ANKRD28: variants seen among roughly 807,000 people sequenced by gnomAD.
ANKRD28 encodes the protein serine/threonine-protein phosphatase 6 regulatory ankyrin repeat subunit A.
A neutral mutation model predicts 126.5 loss-of-function variants in ANKRD28; 44 were observed. The ratio of observed to expected loss-of-function variants is 0.35; its 90% CI spans 0.27 to 0.45. The LOEUF (loss-of-function observed/expected upper bound fraction) is 0.45. ANKRD28 is among the 20% of genes least tolerant of loss of function. The pLI, the probability that ANKRD28 is intolerant of heterozygous loss-of-function variation, is 1.00. For missense variants in ANKRD28, 1,110 were observed against 1,316.6 expected, an observed-to-expected ratio of 0.84 and a Z score of 2.43; for synonymous variants, 442 against 468.5, an observed-to-expected ratio of 0.94 and a Z score of 0.73.
chr3:15,803,614 TA>T lies in ANKRD28; in HGVS notation c.28-8309del, dbSNP rs145887818. ...CCTGGCGACAGAGCGAGACTCCATTTAAAAAAAAAAAAAAAAAGAAATATAT... is the reference window on the plus strand; with the variant it reads ...CCTGGCGACAGAGCGAGACTCCATTTAAAAAAAAAAAAAAAAGAAATATAT... On this transcript the variant is annotated intron_variant, in intron 1 of 27. Transcript: ENST00000399451. Among the ~76,000 whole-genome samples, 645 of 125,176 alleles carry T rather than the reference TA, an allele frequency of 5.2e-3. 2 individuals are homozygous for T. Among genetic ancestry groups the T allele is most frequent in the Non-Finnish European group, 4.4e-3 (263 of 59,640 alleles). The allele number at this position is 125,176 out of a possible 152,430, so 82.1% of individuals were successfully genotyped here.
chr3:15,712,344 C>A lies in ANKRD28; in HGVS notation c.1191-122G>T, dbSNP rs147297830. ...CTAAGAGCCAAAATGTCTAACACTT[C>A]GGAGAGTAATTTGGTTAAAGTTTGA... On this transcript the variant is annotated intron_variant, in intron 10 of 27. Transcript: ENST00000683139. 1.3e-3 allele frequency: 980 copies of A among 765,986 alleles called. 1 individual carries two copies. Among genetic ancestry groups the A allele is most frequent in the Non-Finnish European group, 1.9e-3 (903 of 463,324 alleles). The allele number at this position is 765,986 out of a possible 1,614,324, so 47.4% of individuals were successfully genotyped here. A position where few individuals can be genotyped will look rare whatever the true frequency, so the allele number is the denominator to read the frequency against.
intron 1 of ANKRD28, among the ~76,000 whole-genome samples, chr3:15,832,013 AATTC>A (rs1399091829): frequency 1.3e-5 from 2 of 152,200 alleles, no homozygotes; most frequent in African/African-American, 4.8e-5. Flanking sequence ...ACTTAATCAG[AATTC>A]ATTATTTATC....
intron 2 of ANKRD28, among the ~76,000 whole-genome samples, chr3:15,784,727 CA>C (rs1237759483): frequency 6.6e-6 from 1 of 151,878 alleles, no homozygotes; most frequent in Non-Finnish European, 1.5e-5. Context: ...CAGACTCGAT[CA>C]AAAAACAATA....
rs886818290 is a variant in ANKRD28 at position 15,737,082 on chromosome 3, C to A, written c.503G>T (p.Arg168Leu). Residue 168 changes from arginine (R) to leucine (L), a missense_variant, in exon 5 of 28, where the codon CGA becomes CTA. By Grantham distance (102) the Arg-to-Leu change is moderately radical (BLOSUM62 -2). Coordinates refer to ENST00000683139, the MANE Select transcript of ANKRD28 (RefSeq NM_001349278.2). ...ATGATGTAATGCAGTCCTCCCTGCTCGATCAGATACGTTTACATTACTCAG... is the reference window on the plus strand; with the variant it reads ...ATGATGTAATGCAGTCCTCCCTGCTAGATCAGATACGTTTACATTACTCAG... ...PLLSNVNVSD[R>L]AGRTALHHAA... is the part of the protein sequence containing the mutation. 1 of 1,613,782 alleles carries A rather than the reference C, an allele frequency of 6.2e-7. No homozygotes were observed. Among genetic ancestry groups the A allele is most frequent in the Admixed American group, 1.7e-5 (1 of 60,000 alleles).
chr3:15,848,965 G>T (rs1489307392), intron 1 of ANKRD28, among the ~76,000 whole-genome samples: 2 of 152,084 alleles, frequency 1.3e-5, no homozygotes, highest in East Asian at 3.9e-4. Context: ...AAAAGTATTA[G>T]TGCTAATAAG....
intron 1 of ANKRD28, among the ~76,000 whole-genome samples, chr3:15,806,434 C>A (rs12488913): frequency 0.63 from 95,466 of 152,096 alleles, 31,373 homozygotes; most frequent in East Asian, 0.91. Context: ...CTTTCAACCC[C>A]ATATAGCTGA....
intron 26 of ANKRD28, chr3:15,676,606 T>C (rs2066964034): frequency 5.8e-6 from 1 of 171,026 alleles, no homozygotes; most frequent in African/African-American, 2.4e-5. Flanking sequence ...AGAAACCTTA[T>C]TGGCTTACAG....
chr3:15,725,623 T>G (rs2074098734), intron 6 of ANKRD28, among the ~76,000 whole-genome samples: 1 of 152,224 alleles, frequency 6.6e-6, no homozygotes, highest in Non-Finnish European at 1.5e-5. Context: ...TGTGTCATGT[T>G]TTGGTTATTC....
At chr3:15,828,627 A>T (rs1349012115) in intron 1 of ANKRD28, among the ~76,000 whole-genome samples, 1 of 130,700 alleles carries the variant, frequency 7.7e-6, no homozygotes, top group Admixed American at 8.8e-5. Flanking sequence ...TTCTTTCTAT[A>T]ACACCAGCTT....
chr3:15,785,608 C>T (rs2059741980), intron 2 of ANKRD28, among the ~76,000 whole-genome samples: 1 of 152,066 alleles, frequency 6.6e-6, no homozygotes, highest in African/African-American at 2.4e-5. Flanking sequence ...TCATTTATAC[C>T]TGCTATGAGT....
chr3:15,748,716 T>C (rs1292135429), intron 4 of ANKRD28, among the ~76,000 whole-genome samples: 1 of 152,160 alleles, frequency 6.6e-6, no homozygotes, highest in Non-Finnish European at 1.5e-5. Context: ...TCTTTGAGCT[T>C]CTTGTATTTG....
intron 3 of ANKRD28, among the ~76,000 whole-genome samples, chr3:15,757,243 A>G (rs1410014983): frequency 1.3e-5 from 2 of 152,198 alleles, no homozygotes; most frequent in African/African-American, 4.8e-5. Flanking sequence ...GGTCAACATT[A>G]GGCTATTAGT....
intron 6 of ANKRD28, chr3:15,731,793 T>C (rs1342882549): frequency 8.2e-6 from 1 of 122,282 alleles, no homozygotes; most frequent in African/African-American, 3.2e-5. Context: ...GAGGTTGCAG[T>C]GAGCCGAGAT....
intron 21 of ANKRD28, among the ~76,000 whole-genome samples, chr3:15,680,482 C>T (rs1018628237): frequency 1.3e-5 from 2 of 152,096 alleles, no homozygotes; most frequent in Non-Finnish European, 2.9e-5. Context: ...GCTGGGATTA[C>T]AGGTGTGAGC....
intron 14 of ANKRD28, among the ~76,000 whole-genome samples, chr3:15,696,831 T>A (rs1294946287): frequency 1.3e-5 from 2 of 151,946 alleles, no homozygotes; most frequent in Admixed American, 6.6e-5. Context: ...ATGAGGAAAA[T>A]AATTTTAAAA....
chr3:15,747,166 CTT>C (rs569471227), intron 4 of ANKRD28, among the ~76,000 whole-genome samples: 18 of 139,224 alleles, frequency 1.3e-4, no homozygotes, highest in Non-Finnish European at 1.3e-4. Context: ...TTTATCTTTC[CTT>C]TTTTTTTTTT....
At chr3:15,773,445 C>T (rs572719998) in intron 2 of ANKRD28, among the ~76,000 whole-genome samples, 2 of 152,018 alleles carry the variant, frequency 1.3e-5, no homozygotes, top group East Asian at 1.9e-4. Context: ...GCCAACATGG[C>T]AAAACCCTGC....
intron 4 of ANKRD28, among the ~76,000 whole-genome samples, chr3:15,747,685 T>A (rs1412378764): frequency 6.6e-6 from 1 of 152,220 alleles, no homozygotes; most frequent in African/African-American, 2.4e-5. Flanking sequence ...TTTGGTAGAC[T>A]GTTCTGTAAA....
rs765899359 is a variant in ANKRD28, at chr3:15,696,151, G to A, written c.1642C>T (p.Arg548Cys). Reference protein sequence around the residue: ...AVHYSAAYGHRLCLQLIASET... With the variant: ...AVHYSAAYGHCLCLQLIASET... The stretch of plus-strand genomic sequence containing the variant: ...AATCTTACCAGCTGAAGACATAGAC[G>A]GTGACCATAAGCAGCTGAATAATGA... Residue 548 changes from arginine to cysteine, a missense_variant, in exon 15 of 28, where the codon CGT becomes TGT. Physicochemically the swap from Arg to Cys is radical, Grantham distance 180. Coordinates refer to ENST00000683139, the MANE Select transcript of ANKRD28 (RefSeq NM_001349278.2). 1.0e-5 allele frequency: 16 copies of A among 1,583,192 alleles called. No individual in the cohort carries two copies. The East Asian group carries it at 1.1e-4, about 11-fold the overall frequency.
Sources: allele counts gnomAD v4.1 joint callset (sites outside exome capture counted in the v4.1 genomes callset), GRCh38; gene constraint gnomAD v4.1.1; transcripts MANE v1.5; gene names NCBI Gene and HGNC (gene_info 2026-07-23, HGNC 2026-07-21).